Variants in HAS1 observed in about 807,000 individuals in gnomAD.
HAS1 encodes HA synthase 1.
In HAS1, 27 loss-of-function variants were observed where a neutral mutation model predicts 35.0. The ratio of observed to expected loss-of-function variants is 0.77; its 90% CI spans 0.57 to 1.06. The LOEUF (loss-of-function observed/expected upper bound fraction) is 1.06. Among genes scored for constraint, HAS1 ranks in the 50% least tolerant of loss-of-function variants. The pLI is 0.00. For missense variants in HAS1, 940 were observed against 814.8 expected, an observed-to-expected ratio of 1.15 and a Z score of -1.87; for synonymous variants, 409 against 371.2, an observed-to-expected ratio of 1.10 and a Z score of -1.17.
chr19:51,716,224 A>G, intron 4 of HAS1, 32 bp downstream of exon 4: 1 of 1,596,512 alleles, frequency 6.3e-7, no homozygotes, highest in East Asian at 2.2e-5. Flanking sequence ...TGGCCTCCAC[A>G]CATACCCGAC....
rs749958134 is a variant in HAS1 at position 51,714,076 on chromosome 19, G to A, written c.1085C>T (p.Ser362Leu). 3.1e-6 allele frequency: 5 copies of A among 1,613,144 alleles called. No homozygotes were observed. The highest frequency in any genetic ancestry group is 4.2e-6 in the Non-Finnish European group (5 of 1,179,650). Reference protein sequence around the residue: ...TKYTSRSRCYSETPSSFLRWL... With the variant: ...TKYTSRSRCYLETPSSFLRWL... The stretch of plus-strand genomic sequence containing the variant: ...CCGCAGGAAGGACGAGGGCGTCTCT[G>A]AGTAGCAGCGGGACCTGGAGGTGTA... Residue 362 changes from serine (S) to leucine (L), a missense_variant, in exon 5 of 5, where the codon TCA (serine) becomes TTA (leucine). By Grantham distance (145) the Ser-to-Leu change is moderately radical. Coordinates refer to ENST00000540069, the MANE Select transcript of HAS1 (RefSeq NM_001297436.2).
Position 51,713,422 on chromosome 19 carries a change from T to C in HAS1, c.*5A>G, listed in dbSNP as rs758050512. 6.0e-6 allele frequency: 9 copies of C among 1,504,518 alleles called. No homozygotes were observed. The highest frequency in any genetic ancestry group is 6.2e-6 in the Non-Finnish European group (7 of 1,126,048). The allele number at this position is 1,504,518 out of a possible 1,614,324, so 93.2% of individuals were successfully genotyped here. ...ACCCTTGAGGCGGCATCCGCGTGGC[T>C]GGACTCACACCTGGACGCGGTAGCC... On this transcript the variant is annotated 3_prime_UTR_variant, in exon 5 of 5. Transcript: ENST00000540069. The surrounding 1 kb of genome is among the most constrained non-coding windows in gnomAD (Gnocchi z 4.5).
In HAS1 at chr19:51,713,622, A is replaced by G. The variant is rs1434550541; in HGVS notation, c.1539T>C (p.Leu513=). The change falls in exon 5 of 5, where the codon CTT becomes CTC. Residue 513 remains leucine (L), a synonymous_variant. Coordinates refer to ENST00000540069, the MANE Select transcript of HAS1 (RefSeq NM_001297436.2). This position sits in a 1 kb window ranked among gnomAD's most constrained non-coding sequence, Gnocchi z 4.5. ...GTGCTACGCTGCGGACCAGGCCCCCAAGCAGCAGCAGCGCCCAGAGCGCCA... is the reference window on the plus strand; with the variant it reads ...GTGCTACGCTGCGGACCAGGCCCCCGAGCAGCAGCAGCGCCCAGAGCGCCA... ...LPLALWALLL[L]GGLVRSVAHE... 6.4e-7 allele frequency: 1 copy of G among 1,560,788 alleles called. No individual in the cohort carries two copies. The highest frequency in any genetic ancestry group is 1.2e-5 in the South Asian group (1 of 86,122).
At position 51,719,215 on chromosome 19, in the gene HAS1, G is replaced by T; in HGVS notation, c.690C>A (p.Asp230Glu). The change falls in exon 2 of 5, where the codon GAC becomes GAA. Residue 230 changes from aspartate to glutamate, a missense_variant. Asp to Glu is a conservative substitution (Grantham distance 45, BLOSUM62 2). Coordinates refer to ENST00000540069, the MANE Select transcript of HAS1 (RefSeq NM_001297436.2). Reference protein sequence around the residue: ...TAFKALGDSVDYVQVCDSDTR... With the variant: ...TAFKALGDSVEYVQVCDSDTR... ...AGGCGCCTCTACTCACCTGCACGTA[G>T]TCCACCGAATCTCCGAGCGCCTTGA... 6.4e-7 allele frequency: 1 copy of T among 1,565,654 alleles called. No individual in the cohort carries two copies. The highest frequency in any genetic ancestry group is 8.7e-7 in the Non-Finnish European group (1 of 1,154,406).
chr19:51,717,195 T>C lies in HAS1; in HGVS notation c.700-2A>G. On this transcript the variant is annotated splice_acceptor_variant, in intron 2 of 4. Coordinates refer to ENST00000540069, the MANE Select transcript of HAS1 (RefSeq NM_001297436.2). LOFTEE classifies it high-confidence loss of function. ...CAACCTTGTGTCCGAGTCACAGACC[T>C]GTAAGGTGGAAGGGGCCAGGATCAG... The C allele has an allele frequency of 6.2e-7, 1 of 1,603,920 alleles. No homozygotes were observed. Among genetic ancestry groups the C allele is most frequent in the South Asian group, 1.1e-5 (1 of 90,926 alleles).
chr19:51,713,819 C>G lies in HAS1; in HGVS notation c.1342G>C (p.Ala448Pro). The G allele has an allele frequency of 3.1e-6, 5 of 1,606,310 alleles. No homozygotes were observed. Among genetic ancestry groups the G allele is most frequent in the Non-Finnish European group, 4.2e-6 (5 of 1,177,930 alleles). The change falls in exon 5 of 5, where the codon GCG becomes CCG. Residue 448 changes from alanine (A) to proline (P), a missense_variant. Coordinates refer to ENST00000540069, the MANE Select transcript of HAS1 (RefSeq NM_001297436.2). This position sits in a 1 kb window ranked among gnomAD's most constrained non-coding sequence, Gnocchi z 4.5. ...QGVALAKAAF[A>P]AWLRGCLRMV... ...CGCAGGCAGCCCCGCAGCCAGGCCG[C>G]GAAGGCCGCCTTGGCCAGTGCCACG...
Position 51,719,824 on chromosome 19 carries a change from G to T in HAS1, c.81C>A (p.Phe27Leu). 1 of 1,554,852 alleles carries T rather than the reference G, an allele frequency of 6.4e-7. No homozygotes were observed. Among genetic ancestry groups the T allele is most frequent in the Non-Finnish European group, 8.7e-7 (1 of 1,153,206 alleles). Residue 27 changes from phenylalanine to leucine, a missense_variant, in exon 2 of 5, where the codon TTC becomes TTA. Transcript: ENST00000540069. ...TCATGAGGCCCAGGATGAGCAGGGC[G>T]AAGGCGATGGTCAGCACCCTCCGGG... ...GLARRVLTIA[F>L]ALLILGLMTW...
At chr19:51,714,127 C>T in intron 4 of HAS1, 25 bp from the exon 5 acceptor site, 1 of 1,600,286 alleles carries the variant, frequency 6.2e-7, no homozygotes, top group Non-Finnish European at 8.5e-7. Context: ...GGAATGAGGG[C>T]ATCATCGCGT....
chr19:51,719,581 C>T lies in HAS1; in HGVS notation c.324G>A (p.Ala108=), dbSNP rs1349132063. ...CGGACGCCAGGCACTGGCGCAGGTA[C>T]GCGGGGTCCTCCTGGTAGGCGGAGA... ...LTISAYQEDP[A]YLRQCLASAR... The change falls in exon 2 of 5, where the codon GCG becomes GCA. Residue 108 remains alanine, a synonymous_variant. Coordinates refer to ENST00000540069, the MANE Select transcript of HAS1 (RefSeq NM_001297436.2). The T allele has an allele frequency of 1.3e-6, 2 of 1,543,650 alleles. No homozygotes were observed. The highest frequency in any genetic ancestry group is 1.7e-6 in the Non-Finnish European group (2 of 1,144,052).
At chr19:51,722,007 T>G (rs2083634733) in intron 1 of HAS1, among the ~76,000 whole-genome samples, 1 of 152,180 alleles carries the variant, frequency 6.6e-6, no homozygotes, top group African/African-American at 2.4e-5. Flanking sequence ...ACTCAGGTAA[T>G]AAGCAGAGTC....
chr19:51,720,075 T>C, intron 1 of HAS1, 180 bp from the exon 2 acceptor site: 1 of 552,466 alleles, frequency 1.8e-6, no homozygotes, highest in Non-Finnish European at 3.2e-6. Context: ...TCTGTCTCGC[T>C]GTCTCTCTCT....
Position 51,714,775 on chromosome 19 carries a change from T to C in HAS1, c.1059-673A>G, listed in dbSNP as rs1408959516. On this transcript the variant is annotated intron_variant, in intron 4 of 4. Coordinates refer to ENST00000540069, the MANE Select transcript of HAS1 (RefSeq NM_001297436.2). ...TTAAACGCCAAGTGCTTAGGACCAG[T>C]AGATAGTATTTGCTCAATAAATGTT... Among the ~76,000 whole-genome samples, 5 of 151,692 alleles carry C rather than the reference T, an allele frequency of 3.3e-5. No individual in the cohort carries two copies. The East Asian group carries it at 5.8e-4, about 18-fold the overall frequency.
intron 1 of HAS1, among the ~76,000 whole-genome samples, chr19:51,723,024 T>C (rs1422402797): frequency 6.6e-6 from 1 of 152,212 alleles, no homozygotes; most frequent in African/African-American, 2.4e-5. Flanking sequence ...CCCTTCTCTC[T>C]TCCTTTGCTT....
Position 51,713,387 on chromosome 19 carries a change from T to C in HAS1, c.*40A>G, listed in dbSNP as rs1178390384. 2.1e-6 allele frequency: 3 copies of C among 1,443,264 alleles called. No individual in the cohort carries two copies. Among genetic ancestry groups the C allele is most frequent in the Admixed American group, 5.6e-5 (2 of 35,752 alleles). 89.4% of individuals were successfully genotyped at this position (1,443,264 alleles called of 1,614,324 possible). A position where few individuals can be genotyped will look rare whatever the true frequency, so the allele number is the denominator to read the frequency against. On this transcript the variant is annotated 3_prime_UTR_variant, in exon 5 of 5. Coordinates refer to ENST00000540069, the MANE Select transcript of HAS1 (RefSeq NM_001297436.2). This position sits in a 1 kb window ranked among gnomAD's most constrained non-coding sequence, Gnocchi z 4.5. The stretch of plus-strand genomic sequence containing the variant: ...GGGGCCCAGCAGCTCTCCTCTGGCC[T>C]CCCCTGAAGACCCTTGAGGCGGCAT...
intron 4 of HAS1, 96 bp from the exon 5 acceptor site, chr19:51,714,198 G>A: frequency 6.6e-7 from 1 of 1,523,100 alleles, no homozygotes. Flanking sequence ...CGGCCACTGG[G>A]GGCGAGTTTC....
rs1025028325 is a variant in HAS1, at chr19:51,713,297, G to A, written c.*130C>T. On this transcript the variant is annotated 3_prime_UTR_variant, in exon 5 of 5. Transcript: ENST00000540069. The surrounding 1 kb of genome is among the most constrained non-coding windows in gnomAD (Gnocchi z 4.5). ...AGTCCAGACTGAAGAATCTTGGGCT[G>A]ACCCCCTCGTTTTGCAGAGGAGGGA... 17 of 865,330 alleles carry A rather than the reference G, an allele frequency of 2.0e-5. No individual in the cohort carries two copies. The highest frequency in any genetic ancestry group is 2.8e-5 in the Non-Finnish European group (17 of 598,638). The allele number at this position is 865,330 out of a possible 1,614,324, so 53.6% of individuals were successfully genotyped here.
chr19:51,716,906 T>C (rs897779020), intron 3 of HAS1, 62 bp downstream of exon 3: 289 of 1,133,772 alleles, frequency 2.5e-4, no homozygotes, highest in Non-Finnish European at 3.7e-4. Context: ...CTCAGCCCCA[T>C]CCGGCTTCCC....
intron 1 of HAS1, among the ~76,000 whole-genome samples, chr19:51,722,277 T>C (rs2083636595): frequency 6.6e-6 from 1 of 152,212 alleles, no homozygotes; most frequent in East Asian, 1.9e-4. Context: ...CTTGATTCGG[T>C]TATTGGAAAG....
Position 51,713,455 on chromosome 19 carries a change from C to G in HAS1, c.1706G>C (p.Arg569Pro), listed in dbSNP as rs1187740163. Residue 569 changes from arginine (R) to proline (P), a missense_variant, in exon 5 of 5, where the codon CGG becomes CCG. Transcript: ENST00000540069. This position sits in a 1 kb window ranked among gnomAD's most constrained non-coding sequence, Gnocchi z 4.5. ...CACCTGGACGCGGTAGCCCCCGGTC[C>G]GCCGCCGGCAAAGCCTCCGCACGCC... The part of the protein sequence containing the change: ...WVGVRRLCRR[R>P]TGGYRVQV The G allele has an allele frequency of 1.3e-6, 2 of 1,547,612 alleles. No homozygotes were observed. The highest frequency in any genetic ancestry group is 8.7e-7 in the Non-Finnish European group (1 of 1,145,844).
Sources: gnomAD v4.1 joint callset for allele counts (sites outside exome capture counted in the v4.1 genomes callset) on GRCh38, gnomAD v4.1.1 for gene constraint, Gnocchi (gnomAD v3.1) non-coding constraint, MANE v1.5 for transcripts, NCBI Gene and HGNC (gene_info 2026-07-23, HGNC 2026-07-21) for gene names.